Variants in ARFGEF1 observed in about 807,000 individuals in gnomAD.
The protein encoded by ARFGEF1 is ARF guanine nucleotide exchange factor 1, also known as brefeldin A-inhibited guanine nucleotide-exchange protein 1.
A neutral mutation model predicts 231.0 loss-of-function variants in ARFGEF1; 42 were observed. That is an observed-to-expected ratio of 0.18 (90% CI 0.14 to 0.24). The LOEUF is 0.24. Ranked by LOEUF, ARFGEF1 falls within the 10% of genes least tolerant of loss-of-function variation. ARFGEF1 has a pLI of 1.00. For missense variants in ARFGEF1, 1,345 were observed against 2,192.0 expected, an observed-to-expected ratio of 0.61 and a Z score of 7.72; for synonymous variants, 710 against 732.3, an observed-to-expected ratio of 0.97 and a Z score of 0.49.
intron 1 of ARFGEF1, among the ~76,000 whole-genome samples, chr8:67,322,514 T>C (rs1006661901): frequency 1.3e-5 from 2 of 152,106 alleles, no homozygotes; most frequent in South Asian, 2.1e-4. Context: ...CTGGGCAATA[T>C]AGAGAGACCC....
Position 67,189,292 on chromosome 8 carries a change from G to A in ARFGEF1, c.560+11104C>T, listed in dbSNP as rs367791247. 7.9e-5 allele frequency among the ~76,000 whole-genome samples: 12 copies of A among 152,316 alleles called. No homozygotes were observed. The South Asian group carries it at 1.4e-3, about 18-fold the overall frequency. On this transcript the variant is annotated intron_variant, in intron 5 of 5. Transcript: ENST00000518789. ...ATTTGCCTAAGGGAGCTGAAAACTT[G>A]TCCATAAAGAAACTGGCACACAGAT...
chr8:67,222,164 C>CATATATATATATATACACATATATAT lies in ARFGEF1; in HGVS notation c.4209-2630_4209-2605dup, dbSNP rs1190353196. Among the ~76,000 whole-genome samples, 54 of 119,148 alleles carry CATATATATATATATACACATATATAT rather than the reference C, an allele frequency of 4.5e-4. 2 individuals are homozygous for CATATATATATATATACACATATATAT. In the South Asian group the frequency reaches 5.3e-3, roughly 12 times the overall value. 78.2% of individuals were successfully genotyped at this position (119,148 alleles called of 152,430 possible). A position where few individuals can be genotyped will look rare whatever the true frequency, so the allele number is the denominator to read the frequency against. ...ATGTTTTTACTGTACCTTTTCCATGCATATATATATATATACACATATATA... is the reference window on the plus strand; with the variant it reads ...ATGTTTTTACTGTACCTTTTCCATGCATATATATATATATACACATATATATATATATATATATATACACATATATA... On this transcript the variant is annotated intron_variant, in intron 29 of 38. Transcript: ENST00000262215.
chr8:67,236,365 A>T lies in ARFGEF1; in HGVS notation c.3289+1978T>A, dbSNP rs367924977. Among the ~76,000 whole-genome samples the T allele has an allele frequency of 8.0e-3, 232 of 28,922 alleles. 5 individuals carry two copies. The highest frequency in any genetic ancestry group is 0.013 in the Admixed American group (19 of 1,462). 19.0% of individuals were successfully genotyped at this position (28,922 alleles called of 152,430 possible). A position where few individuals can be genotyped will look rare whatever the true frequency, so the allele number is the denominator to read the frequency against. The stretch of plus-strand genomic sequence containing the variant: ...GATATTAGTTAAAAAAAAAAAAAAA[A>T]ATATATATATATATATATATATATA... On this transcript the variant is annotated intron_variant, in intron 22 of 38. Coordinates refer to ENST00000262215, the MANE Select transcript of ARFGEF1 (RefSeq NM_006421.5).
At chr8:67,289,513 C>T (rs1805907273) in intron 6 of ARFGEF1, among the ~76,000 whole-genome samples, 1 of 125,666 alleles carries the variant, frequency 8.0e-6, no homozygotes, top group East Asian at 2.6e-4. Flanking sequence ...TGTGTAATTG[C>T]ACTCTAGTCA....
chr8:67,260,898 GC>G (rs1454556670), intron 14 of ARFGEF1, among the ~76,000 whole-genome samples: 27 of 152,306 alleles, frequency 1.8e-4, no homozygotes, highest in Admixed American at 1.6e-3. Context: ...CAGCCTAACT[GC>G]TGATATGGAG....
intron 29 of ARFGEF1, among the ~76,000 whole-genome samples, chr8:67,221,901 C>T (rs1839176350): frequency 6.6e-6 from 1 of 151,268 alleles, no homozygotes; most frequent in African/African-American, 2.4e-5. Context: ...GCAAGCTCCA[C>T]CTCCCAGGTT....
chr8:67,265,806 C>A (rs1804828325), intron 14 of ARFGEF1, among the ~76,000 whole-genome samples, 200 bp downstream of exon 14: 1 of 151,866 alleles, frequency 6.6e-6, no homozygotes, highest in South Asian at 2.1e-4. Flanking sequence ...ATTTATATGA[C>A]AAGAGTGGTT....
chr8:67,298,954 A>G (rs1806359389), intron 4 of ARFGEF1, among the ~76,000 whole-genome samples: 1 of 151,894 alleles, frequency 6.6e-6, no homozygotes, highest in South Asian at 2.1e-4. Flanking sequence ...TTTTTAGTAG[A>G]GTATTTTTAG....
chr8:67,184,732 ATAAT>A (rs1833960613), intron 5 of ARFGEF1, among the ~76,000 whole-genome samples: 2 of 145,554 alleles, frequency 1.4e-5, no homozygotes, highest in African/African-American at 5.1e-5. Context: ...TAAAAAAATA[ATAAT>A]AAAAAAATAT....
chr8:67,297,265 T>C (rs899046467), intron 4 of ARFGEF1, among the ~76,000 whole-genome samples: 9 of 152,220 alleles, frequency 5.9e-5, no homozygotes, highest in African/African-American at 2.2e-4. Flanking sequence ...GAGATATCTG[T>C]TGAACTAGAC....
chr8:67,301,193 C>T, intron 3 of ARFGEF1, 31 bp downstream of exon 3: 1 of 1,536,104 alleles, frequency 6.5e-7, no homozygotes, highest in South Asian at 1.3e-5. Context: ...TCAAAGTACA[C>T]AGTTTTTAGA....
chr8:67,251,469 T>C lies in ARFGEF1; in HGVS notation c.2699-19A>G. The C allele has an allele frequency of 4.5e-6, 7 of 1,558,004 alleles. No homozygotes were observed. The highest frequency in any genetic ancestry group is 1.2e-5 in the South Asian group (1 of 82,548). On this transcript the variant is annotated intron_variant, in intron 18 of 38. Transcript: ENST00000262215. ...GCTACATCTGAAACAATAAACACTA[T>C]CAGCATTTTAAATATAAAACATTTA...
At chr8:67,301,050 A>G (rs1806464744) in intron 3 of ARFGEF1, among the ~76,000 whole-genome samples, 174 bp downstream of exon 3, 1 of 152,216 alleles carries the variant, frequency 6.6e-6, no homozygotes, top group African/African-American at 2.4e-5. Context: ...TAAACTAGAA[A>G]TATCTTTTTG....
intron 23 of ARFGEF1, among the ~76,000 whole-genome samples, chr8:67,230,718 C>T (rs1271787909): frequency 6.6e-6 from 1 of 151,798 alleles, no homozygotes; most frequent in Admixed American, 6.6e-5. Flanking sequence ...AAAAATAAAC[C>T]ATTCATGGAT....
At chr8:67,242,914 G>A (rs568220895) in intron 19 of ARFGEF1, among the ~76,000 whole-genome samples, 4 of 152,290 alleles carry the variant, frequency 2.6e-5, no homozygotes, top group South Asian at 2.1e-4. Flanking sequence ...TGATGGCCAC[G>A]GGCTAAGGCT....
At chr8:67,182,834 TTTG>T (rs1248496707) in intron 5 of ARFGEF1, among the ~76,000 whole-genome samples, 1 of 152,236 alleles carries the variant, frequency 6.6e-6, no homozygotes, top group Non-Finnish European at 1.5e-5. Flanking sequence ...TCAGAGTTTT[TTTG>T]TTATTGAGTT....
chr8:67,329,701 C>CTATCTTAGTTAATA lies in ARFGEF1; in HGVS notation c.124+13462_124+13463insTATTAACTAAGATA, dbSNP rs1297379353. ...ACTTTCTGAAAAGCCAAATTATTAA[C>CTATCTTAGTTAATA]AGTGACTATCTTAGACAAAATATTT... On this transcript the variant is annotated intron_variant, in intron 1 of 38. Coordinates refer to ENST00000262215, the MANE Select transcript of ARFGEF1 (RefSeq NM_006421.5). Among the ~76,000 whole-genome samples, 16 of 151,410 alleles carry CTATCTTAGTTAATA rather than the reference C, an allele frequency of 1.1e-4. No homozygotes were observed. In the South Asian group the frequency reaches 3.3e-3, roughly 31 times the overall value.
chr8:67,193,147 GTC>G (rs751106791), downstream of ARFGEF1, among the ~76,000 whole-genome samples: 11 of 152,160 alleles, frequency 7.2e-5, no homozygotes, highest in Admixed American at 2.0e-4. Flanking sequence ...TTGAGATAGA[GTC>G]TCTGTCTCCC....
intron 14 of ARFGEF1, among the ~76,000 whole-genome samples, chr8:67,261,980 T>C (rs548845672): frequency 6.6e-6 from 1 of 152,108 alleles, no homozygotes; most frequent in Non-Finnish European, 1.5e-5. Flanking sequence ...AAAGCTGCCA[T>C]GTAGAGAGAT....
Sources: gnomAD v4.1 joint callset for allele counts (sites outside exome capture counted in the v4.1 genomes callset) on GRCh38, gnomAD v4.1.1 for gene constraint, MANE v1.5 for transcripts, NCBI Gene and HGNC (gene_info 2026-07-23, HGNC 2026-07-21) for gene names.